KCNE3: variants seen among roughly 807,000 people sequenced by gnomAD.
The protein encoded by KCNE3 is potassium voltage-gated channel subfamily E regulatory subunit 3.
A neutral mutation model predicts 4.3 loss-of-function variants in KCNE3; 2 were observed. The observed-to-expected ratio is 0.47, with a 90% CI of 0.19 to 1.48. The LOEUF (loss-of-function observed/expected upper bound fraction) is 1.48, where lower values mean the gene tolerates loss of function less well. Among genes scored for constraint, KCNE3 ranks in the 40% most tolerant of loss-of-function variants. The pLI is 0.25. For synonymous variants in KCNE3, 47 were observed against 52.0 expected, an observed-to-expected ratio of 0.90 and a Z score of 0.41; for missense variants, 128 against 136.8, an observed-to-expected ratio of 0.94 and a Z score of 0.32.
Position 74,456,846 on chromosome 11 carries a change from CT to C in KCNE3, c.*405del. On this transcript the variant is annotated 3_prime_UTR_variant, in exon 3 of 3. Transcript: ENST00000310128. ...TATCTGTGATATGGGATAGTCATCA[CT>C]GCTTCTCATGGCTGAAGATAACACA... 3.8e-6 allele frequency: 1 copy of C among 266,654 alleles called. No homozygotes were observed. Among genetic ancestry groups the C allele is most frequent in the Non-Finnish European group, 7.4e-6 (1 of 134,752 alleles). 16.5% of individuals were successfully genotyped at this position (266,654 alleles called of 1,614,324 possible).
At chr11:74,461,436 G>A (rs2135013619) in intron 2 of KCNE3, among the ~76,000 whole-genome samples, 2 of 152,052 alleles carry the variant, frequency 1.3e-5, no homozygotes, top group East Asian at 3.9e-4. Flanking sequence ...TTCGAGACCA[G>A]CCTGGCCAAC....
intron 1 of KCNE3, among the ~76,000 whole-genome samples, chr11:74,465,846 G>A (rs1864047352): frequency 6.6e-6 from 1 of 152,092 alleles, no homozygotes; most frequent in African/African-American, 2.4e-5. Flanking sequence ...CAGGCAGGCT[G>A]GTCACACTGT....
Position 74,456,179 on chromosome 11 carries a change from T to TATATATATATATAA in KCNE3, c.*1072_*1073insTTATATATATATAT, listed in dbSNP as rs1340077987. ...AAATATATATATATATATATATATA[T>TATATATATATATAA]AAATTAACTGGGTGTGGTGACAGGA... On this transcript the variant is annotated 3_prime_UTR_variant, in exon 3 of 3. Transcript: ENST00000310128. 3 of 124,510 alleles carry TATATATATATATAA rather than the reference T, an allele frequency of 2.4e-5. No individual in the cohort carries two copies. Among genetic ancestry groups the TATATATATATATAA allele is most frequent in the Admixed American group, 8.2e-5 (1 of 12,254 alleles). The allele number at this position is 124,510 out of a possible 1,614,324, so 7.7% of individuals were successfully genotyped here.
At chr11:74,459,342 A>C (rs1863894642) in intron 2 of KCNE3, among the ~76,000 whole-genome samples, 1 of 148,318 alleles carries the variant, frequency 6.7e-6, no homozygotes, top group Non-Finnish European at 1.5e-5. Flanking sequence ...GCTCACTGCA[A>C]GTTCCGCCTC....
chr11:74,466,725 G>A (rs866719264), intron 1 of KCNE3, among the ~76,000 whole-genome samples: 9 of 152,164 alleles, frequency 5.9e-5, no homozygotes, highest in Admixed American at 5.2e-4. Context: ...TGTCCCATGG[G>A]GTATGCAGGC....
chr11:74,457,663 C>G, intron 2 of KCNE3, 60 bp from the exon 3 acceptor site: 1 of 1,072,298 alleles, frequency 9.3e-7, no homozygotes. Flanking sequence ...AAATGACCTC[C>G]TCCCTTCAGA....
At chr11:74,463,951 G>A (rs1047728922) in intron 1 of KCNE3, among the ~76,000 whole-genome samples, 7 of 152,096 alleles carry the variant, frequency 4.6e-5, no homozygotes, top group African/African-American at 7.2e-5. Context: ...ACAGATTCTC[G>A]CCAATCTTAG....
chr11:74,455,271 C>T lies in KCNE3; in HGVS notation c.*1981G>A, dbSNP rs999553005. On this transcript the variant is annotated 3_prime_UTR_variant, in exon 3 of 3. Transcript: ENST00000310128. The stretch of plus-strand genomic sequence containing the variant: ...TTCAGAGTTCTGCTATACACAAATA[C>T]GCATGTTTCAATGGGTACTTCCAGG... 4 of 152,132 alleles carry T rather than the reference C, an allele frequency of 2.6e-5. No homozygotes were observed. Among genetic ancestry groups the T allele is most frequent in the Non-Finnish European group, 5.9e-5 (4 of 68,026 alleles). 9.4% of individuals were successfully genotyped at this position (152,132 alleles called of 1,614,324 possible).
chr11:74,463,386 G>A (rs111746366), intron 1 of KCNE3, among the ~76,000 whole-genome samples: 2 of 152,238 alleles, frequency 1.3e-5, no homozygotes, highest in Admixed American at 6.5e-5. Flanking sequence ...TCCTGTCTGC[G>A]TTAGGAGAGG....
At chr11:74,458,140 A>C (rs530438569) in intron 2 of KCNE3, among the ~76,000 whole-genome samples, 59 of 152,346 alleles carry the variant, frequency 3.9e-4, no homozygotes, top group South Asian at 1.2e-3. Context: ...GGCAGGGCCT[A>C]TATTTGTTTT....
At position 74,461,626 on chromosome 11, in the gene KCNE3, A is replaced by AAAAC. The variant is rs545345800; in HGVS notation, c.-41+325_-41+328dup. Among the ~76,000 whole-genome samples the AAAAC allele has an allele frequency of 6.3e-3, 954 of 152,202 alleles. 12 individuals are homozygous for AAAAC. The highest frequency in any genetic ancestry group is 0.021 in the African/African-American group (888 of 41,520). Reference sequence around the variant, plus strand: ...CAGGAAAGCAAGACCTCTGTCTCAAAAAACAAACAAACAAACAAACAAAAA... The same window carrying AAAAC: ...CAGGAAAGCAAGACCTCTGTCTCAAAAAACAAACAAACAAACAAACAAACAAAAA... On this transcript the variant is annotated intron_variant, in intron 2 of 2. Coordinates refer to ENST00000310128, the MANE Select transcript of KCNE3 (RefSeq NM_005472.5).
intron 2 of KCNE3, among the ~76,000 whole-genome samples, chr11:74,460,961 G>T (rs1265542942): frequency 2.0e-5 from 3 of 152,124 alleles, no homozygotes; most frequent in Non-Finnish European, 4.4e-5. Flanking sequence ...TAGGGAAGTG[G>T]GGGTAGAGAC....
At position 74,467,214 on chromosome 11, in the gene KCNE3, CGGGAGGATCG is replaced by C. The variant is rs373461407; in HGVS notation, c.-190+174_-190+183del. Among the ~76,000 whole-genome samples, 12 of 152,068 alleles carry C rather than the reference CGGGAGGATCG, an allele frequency of 7.9e-5. No individual in the cohort carries two copies. Among genetic ancestry groups the C allele is most frequent in the African/African-American group, 2.7e-4 (11 of 41,366 alleles). On this transcript the variant is annotated intron_variant, in intron 1 of 2. Transcript: ENST00000310128. The surrounding 1 kb of genome is among the most constrained non-coding windows in gnomAD (Gnocchi z 4.4). ...CATGCTGCTCCACGATCACTGCGCT[CGGGAGGATCG>C]GGGAGGATCCGGGAGGACTAGCTTG...
chr11:74,467,158 G>C lies in KCNE3; in HGVS notation c.-190+240C>G, dbSNP rs1322956763. On this transcript the variant is annotated intron_variant, in intron 1 of 2. Coordinates refer to ENST00000310128, the MANE Select transcript of KCNE3 (RefSeq NM_005472.5). The surrounding 1 kb of genome is among the most constrained non-coding windows in gnomAD (Gnocchi z 4.4). The stretch of plus-strand genomic sequence containing the variant: ...GCGCAAGTCCCCACGGTTTCCAGAC[G>C]GGGCGCGCAGAGCCCAGCTCCCTAC... Among the ~76,000 whole-genome samples, 1 of 152,150 alleles carries C rather than the reference G, an allele frequency of 6.6e-6. No individual in the cohort carries two copies. The highest frequency in any genetic ancestry group is 1.5e-5 in the Non-Finnish European group (1 of 68,020).
At chr11:74,466,538 C>G (rs1864061652) in intron 1 of KCNE3, among the ~76,000 whole-genome samples, 1 of 152,198 alleles carries the variant, frequency 6.6e-6, no homozygotes, top group Admixed American at 6.5e-5. Flanking sequence ...GGTTCTAATT[C>G]TGTTTGGTCT....
chr11:74,463,777 A>C (rs921785741), intron 1 of KCNE3, among the ~76,000 whole-genome samples: 1 of 152,168 alleles, frequency 6.6e-6, no homozygotes, highest in Non-Finnish European at 1.5e-5. Context: ...AAATGGCAGC[A>C]CTCAGACAAG....
chr11:74,455,364 G>A lies in KCNE3; in HGVS notation c.*1888C>T, dbSNP rs1863786634. 1 of 152,174 alleles carries A rather than the reference G, an allele frequency of 6.6e-6. No homozygotes were observed. The highest frequency in any genetic ancestry group is 2.1e-4 in the South Asian group (1 of 4,832). 9.4% of individuals were successfully genotyped at this position (152,174 alleles called of 1,614,324 possible). A position where few individuals can be genotyped will look rare whatever the true frequency, so the allele number is the denominator to read the frequency against. On this transcript the variant is annotated 3_prime_UTR_variant, in exon 3 of 3. Coordinates refer to ENST00000310128, the MANE Select transcript of KCNE3 (RefSeq NM_005472.5). The stretch of plus-strand genomic sequence containing the variant: ...CAGTGGATGGTTCTAGCTGAGATCT[G>A]GGATAGTTTCTGAATTCAGAAGTGT...
intron 1 of KCNE3, among the ~76,000 whole-genome samples, chr11:74,463,997 G>A (rs1352305252): frequency 6.6e-6 from 1 of 152,168 alleles, no homozygotes; most frequent in Non-Finnish European, 1.5e-5. Context: ...GGTAAGCTTG[G>A]GAGGAGGAGT....
rs934393281 is a variant in KCNE3 at position 74,456,405 on chromosome 11, G to A, written c.*847C>T. 2 of 151,694 alleles carry A rather than the reference G, an allele frequency of 1.3e-5. No homozygotes were observed. Among genetic ancestry groups the A allele is most frequent in the African/African-American group, 4.8e-5 (2 of 41,294 alleles). The allele number at this position is 151,694 out of a possible 1,614,324, so 9.4% of individuals were successfully genotyped here. A position where few individuals can be genotyped will look rare whatever the true frequency, so the allele number is the denominator to read the frequency against. ...CAAAACTGAAAAGACTGCTTGCTTT[G>A]GAGGTAGTTTAGTCCTGTTGCCTGG... On this transcript the variant is annotated 3_prime_UTR_variant, in exon 3 of 3. Transcript: ENST00000310128.
Sources: gnomAD v4.1 joint callset for allele counts (sites outside exome capture counted in the v4.1 genomes callset) on GRCh38, gnomAD v4.1.1 for gene constraint, Gnocchi (gnomAD v3.1) non-coding constraint, MANE v1.5 for transcripts, NCBI Gene and HGNC (gene_info 2026-07-23, HGNC 2026-07-21) for gene names.